The following DPYD variants were observed in gnomAD, a reference collection of about 807,000 sequenced individuals.
DPYD encodes dihydropyrimidine dehydrogenase.
A neutral mutation model predicts 116.2 loss-of-function variants in DPYD; 109 were observed. The ratio of observed to expected loss-of-function variants is 0.94; its 90% CI spans 0.80 to 1.10. The LOEUF (loss-of-function observed/expected upper bound fraction) is 1.10, where lower values mean the gene tolerates loss of function less well. Among genes scored for constraint, DPYD ranks in the 50% least tolerant of loss-of-function variants. The pLI is 0.00. For synonymous variants in DPYD, 440 were observed against 432.0 expected (o/e 1.02, Z -0.23); for missense variants, 1,302 against 1,254.5 (o/e 1.04, Z -0.57).
intron 14 of DPYD, among the ~76,000 whole-genome samples, chr1:97,416,241 T>C (rs947791377): frequency 7.9e-5 from 12 of 152,224 alleles, no homozygotes; most frequent in Non-Finnish European, 1.3e-4. Flanking sequence ...AACTGTGTCA[T>C]TCCATTTGCC....
In DPYD at chr1:97,114,742, C is replaced by T. The variant is rs569860715; in HGVS notation, c.2623-16110G>A. Among the ~76,000 whole-genome samples, 8 of 152,114 alleles carry T rather than the reference C, an allele frequency of 5.3e-5. No homozygotes were observed. In the South Asian group the frequency reaches 1.7e-3, roughly 32 times the overall value. On this transcript the variant is annotated intron_variant, in intron 20 of 22. Transcript: ENST00000370192. ...ATAGTCTGAGGAAAGCAGATTTTCC[C>T]TGAATGATGAAAAAAAACCCATCAT...
chr1:97,183,939 C>A (rs911414366), intron 20 of DPYD, among the ~76,000 whole-genome samples: 2 of 151,896 alleles, frequency 1.3e-5, no homozygotes, highest in African/African-American at 4.8e-5. Flanking sequence ...TCAAGTAGGC[C>A]CCAGTGTTTG....
intron 5 of DPYD, among the ~76,000 whole-genome samples, chr1:97,705,899 T>C (rs1018486436): frequency 6.6e-6 from 1 of 152,086 alleles, no homozygotes; most frequent in Non-Finnish European, 1.5e-5. Flanking sequence ...GATGAGCATT[T>C]TTTCATGTGT....
chr1:97,487,251 C>A (rs530558385), intron 13 of DPYD, among the ~76,000 whole-genome samples: 1 of 151,778 alleles, frequency 6.6e-6, no homozygotes, highest in Non-Finnish European at 1.5e-5. Context: ...AATGAGTGAC[C>A]TCCAGGATAT....
At chr1:97,661,793 T>C (rs936282841) in intron 8 of DPYD, among the ~76,000 whole-genome samples, 6 of 151,998 alleles carry the variant, frequency 3.9e-5, no homozygotes, top group South Asian at 2.1e-4. Context: ...TTAATTAATG[T>C]TAAGGAAATT....
At chr1:97,479,891 T>A (rs1305854834) in intron 13 of DPYD, among the ~76,000 whole-genome samples, 1 of 152,208 alleles carries the variant, frequency 6.6e-6, no homozygotes, top group East Asian at 1.9e-4. Flanking sequence ...TAGGGGGCAA[T>A]GTGTCCAATT....
intron 11 of DPYD, among the ~76,000 whole-genome samples, chr1:97,567,092 G>A (rs1046529915): frequency 1.7e-4 from 26 of 152,118 alleles, no homozygotes; most frequent in African/African-American, 4.1e-4. Flanking sequence ...TTTTTGCATC[G>A]TAAGAATCTT....
At chr1:97,100,134 G>A (rs1300911125) in intron 20 of DPYD, among the ~76,000 whole-genome samples, 1 of 151,988 alleles carries the variant, frequency 6.6e-6, no homozygotes, top group Non-Finnish European at 1.5e-5. Flanking sequence ...ATAGTATTTT[G>A]TATCCATTTT....
At chr1:97,515,606 G>A (rs1489911740) in intron 13 of DPYD, 120 bp downstream of exon 13, 1 of 866,478 alleles carries the variant, frequency 1.2e-6, no homozygotes, top group Non-Finnish European at 1.8e-6. Context: ...TGTAATGATA[G>A]GTCTTGTCAA....
chr1:97,378,165 G>C lies in DPYD; in HGVS notation c.1974+4228C>G, dbSNP rs370928354. On this transcript the variant is annotated intron_variant, in intron 15 of 22. Coordinates refer to ENST00000370192, the MANE Select transcript of DPYD (RefSeq NM_000110.4). Reference sequence around the variant, plus strand: ...ACCTGGGACAGGTAAAACACTCTTGGCTTGGGCCCCACTGGATGTAAAGTC... The same window carrying C: ...ACCTGGGACAGGTAAAACACTCTTGCCTTGGGCCCCACTGGATGTAAAGTC... 1.5e-4 allele frequency among the ~76,000 whole-genome samples: 23 copies of C among 152,264 alleles called. No individual in the cohort carries two copies. The South Asian group carries it at 4.6e-3, about 30-fold the overall frequency.
At chr1:97,405,742 C>G (rs1673620531) in intron 14 of DPYD, among the ~76,000 whole-genome samples, 1 of 152,096 alleles carries the variant, frequency 6.6e-6, no homozygotes, top group Admixed American at 6.6e-5. Flanking sequence ...CTCTTAAACT[C>G]TTGACCTCAA....
At chr1:97,552,758 G>T (rs1651416983) in intron 11 of DPYD, among the ~76,000 whole-genome samples, 1 of 151,808 alleles carries the variant, frequency 6.6e-6, no homozygotes, top group Non-Finnish European at 1.5e-5. Flanking sequence ...AATAGAAAAA[G>T]GATTTTCTTT....
At chr1:97,690,586 C>T (rs956428738) in intron 7 of DPYD, among the ~76,000 whole-genome samples, 7 of 151,950 alleles carry the variant, frequency 4.6e-5, no homozygotes, top group East Asian at 1.9e-4. Context: ...TTCAGAATAC[C>T]GAATCTAATA....
chr1:97,671,949 T>A (rs149799331), intron 8 of DPYD, among the ~76,000 whole-genome samples: 1,483 of 147,910 alleles, frequency 0.01, 28 homozygotes, highest in African/African-American at 0.032. Context: ...ATCTATTATT[T>A]TTTTTTTTTT....
At chr1:97,168,196 T>C (rs1189263148) in intron 20 of DPYD, among the ~76,000 whole-genome samples, 1 of 152,214 alleles carries the variant, frequency 6.6e-6, no homozygotes, top group Non-Finnish European at 1.5e-5. Context: ...TGAGGCTTTC[T>C]AGCTCTGTGA....
chr1:97,391,497 G>C (rs1672702695), intron 14 of DPYD, among the ~76,000 whole-genome samples: 1 of 151,862 alleles, frequency 6.6e-6, no homozygotes, highest in Admixed American at 6.6e-5. Flanking sequence ...ATAATTCCAA[G>C]GATTCTGTGT....
intron 8 of DPYD, among the ~76,000 whole-genome samples, chr1:97,650,909 T>C (rs1658545547): frequency 6.6e-6 from 1 of 152,072 alleles, no homozygotes; most frequent in South Asian, 2.1e-4. Context: ...TACCATTCCC[T>C]TCATTATATT....
At chr1:97,798,799 T>C (rs1225591352) in intron 3 of DPYD, among the ~76,000 whole-genome samples, 1 of 152,058 alleles carries the variant, frequency 6.6e-6, no homozygotes, top group Non-Finnish European at 1.5e-5. Context: ...ACTTCAGTTA[T>C]TTAAAGTTTC....
chr1:97,439,082 A>C (rs570395132), intron 14 of DPYD, among the ~76,000 whole-genome samples: 85 of 152,014 alleles, frequency 5.6e-4, no homozygotes, highest in Non-Finnish European at 9.4e-4. Flanking sequence ...TCCCATTTTA[A>C]CTAGAAATAG....
Sources: gnomAD v4.1 joint callset for allele counts (sites outside exome capture counted in the v4.1 genomes callset) on GRCh38, gnomAD v4.1.1 for gene constraint, MANE v1.5 for transcripts, NCBI Gene and HGNC (gene_info 2026-07-23, HGNC 2026-07-21) for gene names.